The following PIR variants were observed in gnomAD, a reference collection of about 807,000 sequenced individuals.
The protein encoded by PIR is pirin (iron-binding nuclear protein).
Under a neutral mutation model 24.2 loss-of-function variants are expected in PIR, and 22 were observed. That is an observed-to-expected ratio of 0.91 (90% CI 0.65 to 1.30). The LOEUF (loss-of-function observed/expected upper bound fraction) is 1.30. PIR is among the 50% of genes most tolerant of loss of function. The pLI, the probability that PIR is intolerant of heterozygous loss-of-function variation, is 0.00. For missense variants in PIR, 220 were observed against 220.3 expected, an observed-to-expected ratio of 1.00 and a Z score of 0.01; for synonymous variants, 80 against 79.6, an observed-to-expected ratio of 1.00 and a Z score of -0.03.
chrX:15,390,013 C>G (rs915694563), intron 9 of PIR, 172 bp downstream of exon 9: 14 of 293,247 alleles, frequency 4.8e-5, no homozygotes, highest in African/African-American at 3.1e-4. Context: ...GATGAATAAA[C>G]ATCACATATA....
chrX:15,393,164 C>T (rs1013516207), intron 8 of PIR, among the ~76,000 whole-genome samples: 1 of 112,208 alleles, frequency 8.9e-6, no homozygotes, highest in Non-Finnish European at 1.9e-5. Context: ...GGCACCATGT[C>T]TTTTGCTTTG....
chrX:15,396,650 T>C (rs1233589561), intron 8 of PIR, among the ~76,000 whole-genome samples: 2 of 111,447 alleles, frequency 1.8e-5, no homozygotes, highest in African/African-American at 6.5e-5. Context: ...CCAAGACTCC[T>C]AAAATATCAG....
chrX:15,460,444 G>A (rs753092144), intron 3 of PIR, among the ~76,000 whole-genome samples: 2 of 111,367 alleles, frequency 1.8e-5, no homozygotes, highest in Non-Finnish European at 3.8e-5. Context: ...TCAGCAACAC[G>A]GATGAACCTG....
At chrX:15,400,874 G>A (rs1924358470) in intron 7 of PIR, among the ~76,000 whole-genome samples, 1 of 108,079 alleles carries the variant, frequency 9.3e-6, no homozygotes, top group Admixed American at 1.0e-4. Flanking sequence ...GAGTAGCTGG[G>A]ACTACAGGCA....
At chrX:15,418,588 GA>G (rs1925005271) in intron 6 of PIR, among the ~76,000 whole-genome samples, 1 of 112,067 alleles carries the variant, frequency 8.9e-6, no homozygotes, top group Non-Finnish European at 1.9e-5. Context: ...CTCAATTCCT[GA>G]TATCAACTGC....
intron 6 of PIR, among the ~76,000 whole-genome samples, chrX:15,412,179 G>A (rs755485829): frequency 1.2e-4 from 13 of 112,319 alleles, no homozygotes; most frequent in Non-Finnish European, 2.1e-4. Flanking sequence ...TATGGAAAAG[G>A]AGAAATAAAT....
At position 15,481,212 on chromosome X, in the gene PIR, T is replaced by C. The variant is rs773356627; in HGVS notation, c.97-1391A>G. Reference sequence around the variant, plus strand: ...TCCATATAAATGTTATCTGTATAAATAGAACTATTAAGTGCACATTATATT... The same window carrying C: ...TCCATATAAATGTTATCTGTATAAACAGAACTATTAAGTGCACATTATATT... On this transcript the variant is annotated intron_variant, in intron 2 of 9. Coordinates refer to ENST00000380420, the MANE Select transcript of PIR (RefSeq NM_001018109.3). Among the ~76,000 whole-genome samples the C allele has an allele frequency of 1.7e-4, 19 of 112,572 alleles. No individual in the cohort carries two copies. The South Asian group carries it at 6.5e-3, about 39-fold the overall frequency.
At chrX:15,453,511 C>A (rs946322332) in intron 5 of PIR, among the ~76,000 whole-genome samples, 1 of 111,897 alleles carries the variant, frequency 8.9e-6, no homozygotes, top group Non-Finnish European at 1.9e-5. Flanking sequence ...GTAACCACTG[C>A]ACCACGCTGC....
intron 3 of PIR, among the ~76,000 whole-genome samples, chrX:15,467,759 T>C (rs1478560296): frequency 1.8e-5 from 2 of 111,854 alleles, no homozygotes; most frequent in Non-Finnish European, 3.8e-5. Flanking sequence ...TTTCTTTCAC[T>C]CTGATTAAAA....
At chrX:15,410,464 C>A (rs1250318245) in intron 6 of PIR, among the ~76,000 whole-genome samples, 7 of 111,516 alleles carry the variant, frequency 6.3e-5, no homozygotes, top group African/African-American at 2.3e-4. Context: ...TTTGACAAAA[C>A]CTCAAAACTC....
intron 2 of PIR, among the ~76,000 whole-genome samples, chrX:15,484,307 T>TC (rs1922679225): frequency 8.4e-5 from 1 of 11,913 alleles, no homozygotes; most frequent in Non-Finnish European, 1.3e-4. Context: ...CTCAATTTTC[T>TC]TTTTTTTTTT....
intron 7 of PIR, among the ~76,000 whole-genome samples, chrX:15,398,669 G>GTGTGTGTGT (rs1555952785): frequency 0.092 from 7,000 of 75,934 alleles, 420 homozygotes; most frequent in Admixed American, 0.12. Flanking sequence ...GAGGAGGGAG[G>GTGTGTGTGT]GTGTGTGTGT....
chrX:15,407,237 G>T (rs1924577497), intron 7 of PIR, among the ~76,000 whole-genome samples: 1 of 111,764 alleles, frequency 8.9e-6, no homozygotes, highest in African/African-American at 3.3e-5. Flanking sequence ...TCTTAGCGAG[G>T]TATCAAAACA....
intron 5 of PIR, chrX:15,429,316 A>G (rs1019655749): frequency 1.8e-5 from 2 of 112,138 alleles, no homozygotes; most frequent in African/African-American, 6.5e-5. Context: ...ACAGAAACCA[A>G]TGAGAGACTT....
chrX:15,400,125 A>G (rs750551631), intron 7 of PIR, among the ~76,000 whole-genome samples: 84 of 112,080 alleles, frequency 7.5e-4, no homozygotes, highest in Non-Finnish European at 1.4e-3. Context: ...GCATAATACT[A>G]AAGGTTTCTC....
chrX:15,461,860 T>C (rs1251627183), intron 3 of PIR, among the ~76,000 whole-genome samples: 1 of 112,572 alleles, frequency 8.9e-6, no homozygotes, highest in African/African-American at 3.2e-5. Flanking sequence ...CAGGTGCACC[T>C]GCCACATTTT....
intron 6 of PIR, among the ~76,000 whole-genome samples, chrX:15,413,064 T>C (rs1233413657): frequency 8.9e-6 from 1 of 112,612 alleles, no homozygotes; most frequent in Non-Finnish European, 1.9e-5. Flanking sequence ...TATAAACATA[T>C]ATAAATGTCC....
At position 15,455,874 on chromosome X, in the gene PIR, T is replaced by C. The variant is rs1357879054; in HGVS notation, c.454A>G (p.Ile152Val). The change falls in exon 5 of 10, where the codon ATT becomes GTT. Residue 152 changes from isoleucine to valine, a missense_variant. By Grantham distance (29) the Ile-to-Val change is conservative. Coordinates refer to ENST00000380420, the MANE Select transcript of PIR (RefSeq NM_001018109.3). ...TTTATTCCCAGGGCTTCTCCAGAAA[T>C]GACAGCAACTGTCACACCATCCTTA... The part of the protein sequence containing the change: ...PSKDGVTVAV[I>V]SGEALGIKSK... The C allele has an allele frequency of 8.3e-7, 1 of 1,210,121 alleles. No homozygotes were observed. The highest frequency in any genetic ancestry group is 1.7e-5 in the African/African-American group (1 of 57,745).
At chrX:15,450,131 C>A (rs1926233202) in intron 5 of PIR, among the ~76,000 whole-genome samples, 1 of 112,052 alleles carries the variant, frequency 8.9e-6, no homozygotes, top group African/African-American at 3.2e-5. Flanking sequence ...CCATCCTTAT[C>A]CCTGCTACCC....
Sources: allele counts gnomAD v4.1 joint callset (sites outside exome capture counted in the v4.1 genomes callset), GRCh38; gene constraint gnomAD v4.1.1; transcripts MANE v1.5; gene names NCBI Gene and HGNC (gene_info 2026-07-23, HGNC 2026-07-21).